AGBL4: variants seen among roughly 807,000 people sequenced by gnomAD.
AGBL4 encodes the protein AGBL carboxypeptidase 4.
Under a neutral mutation model 66.4 loss-of-function variants are expected in AGBL4, and 58 were observed. The ratio of observed to expected loss-of-function variants is 0.87; its 90% confidence interval spans 0.71 to 1.09. The LOEUF is 1.09. Ranked by LOEUF, AGBL4 falls within the 50% of genes least tolerant of loss-of-function variation. AGBL4 has a pLI of 0.00. For missense variants in AGBL4, 579 were observed against 631.0 expected, an observed-to-expected ratio of 0.92 and a Z score of 0.88; for synonymous variants, 234 against 222.9, an observed-to-expected ratio of 1.05 and a Z score of -0.44.
chr1:49,425,643 C>T (rs1645639774), intron 3 of AGBL4, among the ~76,000 whole-genome samples: 1 of 152,060 alleles, frequency 6.6e-6, no homozygotes, highest in Non-Finnish European at 1.5e-5. Context: ...TTGGATGCAC[C>T]CCTGCTCATA....
At chr1:48,693,967 C>A (rs189882499) in intron 6 of AGBL4, among the ~76,000 whole-genome samples, 9 of 151,758 alleles carry the variant, frequency 5.9e-5, no homozygotes, top group African/African-American at 1.9e-4. Context: ...ACTCAACCAA[C>A]CCCAGTCTCT....
At chr1:49,572,360 C>T (rs1254558782) in intron 3 of AGBL4, among the ~76,000 whole-genome samples, 1 of 152,100 alleles carries the variant, frequency 6.6e-6, no homozygotes, top group Non-Finnish European at 1.5e-5. Context: ...ACATACAATT[C>T]TTTGCATTTA....
At chr1:48,939,968 T>G (rs1343015657) in intron 5 of AGBL4, among the ~76,000 whole-genome samples, 1 of 152,174 alleles carries the variant, frequency 6.6e-6, no homozygotes, top group Non-Finnish European at 1.5e-5. Context: ...CATCCTACAA[T>G]GCACAGGACA....
intron 2 of AGBL4, among the ~76,000 whole-genome samples, chr1:49,847,761 G>A (rs1287333733): frequency 6.6e-6 from 1 of 151,736 alleles, no homozygotes; most frequent in African/African-American, 2.4e-5. Context: ...GAGGGCAGTG[G>A]CGCGATCTCG....
At chr1:49,117,559 T>C (rs911417631) in intron 4 of AGBL4, among the ~76,000 whole-genome samples, 1 of 152,036 alleles carries the variant, frequency 6.6e-6, no homozygotes, top group Non-Finnish European at 1.5e-5. Context: ...TGAGGCCTCT[T>C]TTCTGTTGCA....
intron 6 of AGBL4, among the ~76,000 whole-genome samples, chr1:48,691,175 A>C (rs949660602): frequency 3.6e-5 from 5 of 138,500 alleles, no homozygotes; most frequent in African/African-American, 9.8e-5. Flanking sequence ...AAAAAAAAAA[A>C]CACATATATG....
chr1:49,335,716 C>T (rs942693176), intron 3 of AGBL4, among the ~76,000 whole-genome samples: 13 of 152,070 alleles, frequency 8.5e-5, no homozygotes, highest in African/African-American at 3.1e-4. Flanking sequence ...GGGGTTTCAC[C>T]ATGTTAGTCA....
chr1:49,374,163 T>C (rs980336001), intron 3 of AGBL4: 5 of 151,914 alleles, frequency 3.3e-5, no homozygotes, highest in African/African-American at 1.2e-4. Flanking sequence ...GTCAAATGAG[T>C]AGTTTCCCTG....
chr1:49,911,684 C>T (rs989052285), intron 1 of AGBL4, among the ~76,000 whole-genome samples: 1 of 152,278 alleles, frequency 6.6e-6, no homozygotes. Context: ...CTGATCTGCC[C>T]CACAGAGTGT....
intron 2 of AGBL4, among the ~76,000 whole-genome samples, chr1:49,769,921 A>G (rs577600343): frequency 2.6e-5 from 4 of 152,356 alleles, no homozygotes; most frequent in African/African-American, 9.6e-5. Context: ...TTCATGACTA[A>G]TTCATCAAAA....
At chr1:49,909,224 G>GT (rs1339678446) in intron 1 of AGBL4, among the ~76,000 whole-genome samples, 1 of 152,040 alleles carries the variant, frequency 6.6e-6, no homozygotes, top group African/African-American at 2.4e-5. Context: ...CTGGCATATG[G>GT]TAAGAGTTAT....
rs540671076 is a variant in AGBL4, at chr1:49,542,194, G to A, written c.282+155119C>T. Among the ~76,000 whole-genome samples the A allele has an allele frequency of 7.9e-4, 121 of 152,288 alleles. 1 individual carries two copies. Among genetic ancestry groups the A allele is most frequent in the African/African-American group, 2.8e-3 (116 of 41,566 alleles). On this transcript the variant is annotated intron_variant, in intron 3 of 13. Transcript: ENST00000371839. ...ATGGACCAATCAGTAGGATGTGGGT[G>A]GGGCCAGATAAGGGAATAAAAGCAG...
At chr1:49,842,523 C>T in intron 2 of AGBL4, 1 of 989,002 alleles carries the variant, frequency 1.0e-6, no homozygotes, top group South Asian at 4.5e-5. Flanking sequence ...ATTTACTACT[C>T]AGTCTTAGTG....
At chr1:48,534,830 C>T in intron 13 of AGBL4, 60 bp downstream of exon 13, 1 of 1,500,364 alleles carries the variant, frequency 6.7e-7, no homozygotes. Context: ...GAGATACAGC[C>T]CTGGAGCACA....
intron 6 of AGBL4, among the ~76,000 whole-genome samples, chr1:48,778,059 T>C (rs1432975126): frequency 5.9e-5 from 9 of 152,156 alleles, no homozygotes; most frequent in Admixed American, 2.0e-4. Context: ...GCTAGTTATA[T>C]TTCTGTTGCC....
intron 1 of AGBL4, among the ~76,000 whole-genome samples, chr1:49,861,253 A>G (rs1391297753): frequency 2.0e-5 from 3 of 152,168 alleles, no homozygotes; most frequent in African/African-American, 4.8e-5. Flanking sequence ...GGCCAGAGAC[A>G]TTGGACTGGA....
At chr1:49,850,867 C>T (rs755582642) in intron 2 of AGBL4, among the ~76,000 whole-genome samples, 57 of 152,086 alleles carry the variant, frequency 3.7e-4, no homozygotes, top group Non-Finnish European at 7.8e-4. Flanking sequence ...AAGACCTAGT[C>T]CCTACTGGAT....
chr1:48,562,139 C>T (rs992217081), intron 11 of AGBL4, among the ~76,000 whole-genome samples: 4 of 152,172 alleles, frequency 2.6e-5, no homozygotes, highest in Non-Finnish European at 5.9e-5. Context: ...ATGTTCCTCT[C>T]AATCGTGAGT....
chr1:49,434,439 C>A (rs1645855160), intron 3 of AGBL4, among the ~76,000 whole-genome samples: 1 of 152,120 alleles, frequency 6.6e-6, no homozygotes, highest in Non-Finnish European at 1.5e-5. Flanking sequence ...AAAAGCCACT[C>A]AAATGGGCCT....
Sources: gnomAD v4.1 joint callset for allele counts (sites outside exome capture counted in the v4.1 genomes callset) on GRCh38, gnomAD v4.1.1 for gene constraint, MANE v1.5 for transcripts, NCBI Gene and HGNC (gene_info 2026-07-23, HGNC 2026-07-21) for gene names.